THSD7B: variants seen among roughly 807,000 people sequenced by gnomAD.
The protein encoded by THSD7B is thrombospondin type-1 domain-containing protein 7B.
THSD7B carries 138 observed loss-of-function variants against 213.6 expected under a neutral mutation model. The ratio of observed to expected loss-of-function variants is 0.65; its 90% CI spans 0.56 to 0.74. The LOEUF (loss-of-function observed/expected upper bound fraction) is 0.74. Among genes scored for constraint, THSD7B ranks in the 30% least tolerant of loss-of-function variants. The probability of loss-of-function intolerance (pLI) is 0.00; values close to 1 mark genes in which losing one functional copy is unlikely to be tolerated. For synonymous variants in THSD7B, 742 were observed against 687.0 expected (o/e 1.08, Z -1.25); for missense variants, 1,931 against 1,991.5 (o/e 0.97, Z 0.58).
At position 137,331,558 on chromosome 2, in the gene THSD7B, G is replaced by C. The variant is rs558069608; in HGVS notation, c.2500+55532G>C. On this transcript the variant is annotated intron_variant, in intron 12 of 27. Coordinates refer to ENST00000409968, the MANE Select transcript of THSD7B (RefSeq NM_001316349.2). ...CAGCTGGCTTCACCCAGTGGATCCA[G>C]CACTGGGGCTGCAGGTGGAGCTGCC... Among the ~76,000 whole-genome samples, 210 of 152,358 alleles carry C rather than the reference G, an allele frequency of 1.4e-3. 2 individuals are homozygous for C. Among genetic ancestry groups the C allele is most frequent in the African/African-American group, 4.7e-3 (197 of 41,594 alleles).
chr2:136,860,593 C>G (rs1265472306), intron 1 of THSD7B, among the ~76,000 whole-genome samples: 1 of 152,156 alleles, frequency 6.6e-6, no homozygotes, highest in African/African-American at 2.4e-5. Context: ...ATTCTTCTTT[C>G]TTACTGACAT....
intron 10 of THSD7B, among the ~76,000 whole-genome samples, chr2:137,248,190 A>G (rs1481674285): frequency 6.6e-6 from 1 of 152,134 alleles, no homozygotes; most frequent in Non-Finnish European, 1.5e-5. Flanking sequence ...TTATTATTAG[A>G]TGATAATGAT....
At chr2:136,777,597 A>C (rs1681637030) in intron 1 of THSD7B, among the ~76,000 whole-genome samples, 1 of 152,202 alleles carries the variant, frequency 6.6e-6, no homozygotes. Context: ...GGACTGGCAA[A>C]GTTCCCATGA....
At chr2:137,547,280 A>G (rs187555536) in intron 15 of THSD7B, among the ~76,000 whole-genome samples, 1 of 152,124 alleles carries the variant, frequency 6.6e-6, no homozygotes, top group Admixed American at 6.6e-5. Flanking sequence ...TCTCCCAGAC[A>G]TGTCAGGTCT....
rs1553455794 is a variant in THSD7B at position 136,890,303 on chromosome 2, C to CCTCCT, written c.139+7988_139+7989insCCTCT. ...TGCTCATTCATGTCCATGTCCTACT[C>CCTCCT]CTTCTTCTTCTTCTTCTTCTTCTTC... On this transcript the variant is annotated intron_variant, in intron 2 of 27. Coordinates refer to ENST00000409968, the MANE Select transcript of THSD7B (RefSeq NM_001316349.2). Among the ~76,000 whole-genome samples, 13 of 5,162 alleles carry CCTCCT rather than the reference C, an allele frequency of 2.5e-3. 6 individuals carry two copies. Among genetic ancestry groups the CCTCCT allele is most frequent in the Non-Finnish European group, 3.9e-3 (8 of 2,048 alleles). 3.4% of individuals were successfully genotyped at this position (5,162 alleles called of 152,430 possible).
chr2:137,412,223 A>G (rs1205069492), intron 14 of THSD7B, among the ~76,000 whole-genome samples: 1 of 152,030 alleles, frequency 6.6e-6, no homozygotes, highest in African/African-American at 2.4e-5. Flanking sequence ...CTCTGACCAT[A>G]TACATAGAAG....
chr2:137,411,909 T>C, intron 14 of THSD7B, 37 bp downstream of exon 14: 3 of 1,607,166 alleles, frequency 1.9e-6, no homozygotes, highest in African/African-American at 1.3e-5. Context: ...ATGAGAACAC[T>C]CACACACAGC....
Position 137,095,131 on chromosome 2 carries a change from C to T in THSD7B, c.1199+10C>T. ...TGCAGCAATGTCCCAGGTATTACGC[C>T]TTTATGCCTTCTTTAGTGTGAAGGA... On this transcript the variant is annotated intron_variant, in intron 4 of 27. Coordinates refer to ENST00000409968, the MANE Select transcript of THSD7B (RefSeq NM_001316349.2). 6.2e-7 allele frequency: 1 copy of T among 1,612,278 alleles called. No individual in the cohort carries two copies. The highest frequency in any genetic ancestry group is 8.5e-7 in the Non-Finnish European group (1 of 1,178,660).
intron 15 of THSD7B, among the ~76,000 whole-genome samples, chr2:137,526,009 G>A (rs930114905): frequency 6.6e-6 from 1 of 152,004 alleles, no homozygotes; most frequent in African/African-American, 2.4e-5. Flanking sequence ...TGACTCTTCA[G>A]CTGCAGATAT....
At chr2:136,851,845 G>GCC (rs1204867322) in intron 1 of THSD7B, among the ~76,000 whole-genome samples, 1 of 152,016 alleles carries the variant, frequency 6.6e-6, no homozygotes, top group East Asian at 1.9e-4. Context: ...GAAATATCCT[G>GCC]CCATTGTGGG....
chr2:137,314,469 G>A (rs756108503), intron 12 of THSD7B, among the ~76,000 whole-genome samples: 23 of 152,062 alleles, frequency 1.5e-4, no homozygotes, highest in African/African-American at 9.7e-5. Context: ...CCCATAGCTC[G>A]GAGTAATTTG....
At chr2:137,121,175 A>G (rs534497352) in intron 5 of THSD7B, among the ~76,000 whole-genome samples, 11 of 152,304 alleles carry the variant, frequency 7.2e-5, no homozygotes, top group Admixed American at 2.6e-4. Flanking sequence ...AGTGTTCATT[A>G]AATTATCAGA....
At chr2:137,357,983 A>G (rs1685171421) in intron 12 of THSD7B, among the ~76,000 whole-genome samples, 1 of 152,318 alleles carries the variant, frequency 6.6e-6, no homozygotes, top group East Asian at 1.9e-4. Flanking sequence ...TCAGAGCAAA[A>G]CATTTCTCCA....
chr2:137,556,499 T>C (rs185983386), intron 15 of THSD7B, among the ~76,000 whole-genome samples: 2,181 of 152,182 alleles, frequency 0.014, 69 homozygotes, highest in African/African-American at 0.051. Flanking sequence ...TGCTGAGAGA[T>C]TTTGTCACCA....
intron 10 of THSD7B, among the ~76,000 whole-genome samples, chr2:137,265,440 T>A (rs1682564273): frequency 6.6e-6 from 1 of 152,196 alleles, no homozygotes; most frequent in Non-Finnish European, 1.5e-5. Flanking sequence ...GAAATACCAT[T>A]TGACCCAGCC....
chr2:137,238,003 T>A (rs899261458), intron 9 of THSD7B, among the ~76,000 whole-genome samples: 6 of 152,154 alleles, frequency 3.9e-5, no homozygotes, highest in Non-Finnish European at 8.8e-5. Context: ...TGATACTCTT[T>A]CTCTCTTTCA....
At chr2:137,491,695 T>C (rs1158277756) in intron 15 of THSD7B, among the ~76,000 whole-genome samples, 9 of 152,206 alleles carry the variant, frequency 5.9e-5, no homozygotes. Context: ...CCAAGACCTG[T>C]TTCATGCTAC....
chr2:137,329,660 C>T (rs1197624884), intron 12 of THSD7B, among the ~76,000 whole-genome samples: 1 of 152,126 alleles, frequency 6.6e-6, no homozygotes, highest in African/African-American at 2.4e-5. Context: ...CCACTGCACC[C>T]AGCCCAGCAG....
intron 1 of THSD7B, among the ~76,000 whole-genome samples, chr2:136,848,060 G>T (rs1683039088): frequency 1.3e-5 from 2 of 152,144 alleles, no homozygotes; most frequent in African/African-American, 4.8e-5. Context: ...AGCACTTTCT[G>T]CAAATACAGA....
Sources: gnomAD v4.1 joint callset for allele counts (sites outside exome capture counted in the v4.1 genomes callset) on GRCh38, gnomAD v4.1.1 for gene constraint, MANE v1.5 for transcripts, NCBI Gene and HGNC (gene_info 2026-07-23, HGNC 2026-07-21) for gene names.